Variants in PPARGC1A observed in about 807,000 individuals in gnomAD.
The protein encoded by PPARGC1A is PPARG coactivator 1 alpha.
A neutral mutation model predicts 88.7 loss-of-function variants in PPARGC1A; 25 were observed. The observed-to-expected ratio is 0.28, with a 90% CI of 0.21 to 0.39. The LOEUF (loss-of-function observed/expected upper bound fraction) is 0.39, where lower values mean the gene tolerates loss of function less well. PPARGC1A is among the 10% of genes least tolerant of loss of function. The probability of loss-of-function intolerance (pLI) is 1.00; values close to 1 mark genes in which losing one functional copy is unlikely to be tolerated. For synonymous variants in PPARGC1A, 363 were observed against 355.6 expected (o/e 1.02, Z -0.24); for missense variants, 880 against 968.7 (o/e 0.91, Z 1.22).
At chr4:24,244,803 T>A in the PPARGC1A span, among the ~76,000 whole-genome samples, 1 of 152,128 alleles carries the variant, frequency 6.6e-6, no homozygotes, top group South Asian at 2.1e-4. Context: ...GTCCAAAACA[T>A]TAATAGAACC....
the PPARGC1A span, among the ~76,000 whole-genome samples, chr4:24,109,597 TAG>T: frequency 2.0e-5 from 3 of 152,174 alleles, no homozygotes; most frequent in Non-Finnish European, 4.4e-5. Context: ...TCTGAAATGT[TAG>T]AGTCTCCATC....
At chr4:23,984,455 C>T in the PPARGC1A span, among the ~76,000 whole-genome samples, 1 of 152,018 alleles carries the variant, frequency 6.6e-6, no homozygotes, top group African/African-American at 2.4e-5. Flanking sequence ...TCCGATTTAC[C>T]TACCAAGGTT....
the PPARGC1A span, among the ~76,000 whole-genome samples, chr4:24,307,714 G>A: frequency 2.6e-5 from 4 of 152,324 alleles, no homozygotes; most frequent in Middle Eastern, 0.01. Context: ...CAGAGGATCT[G>A]GTTCGGAAGA....
intron 2 of PPARGC1A, among the ~76,000 whole-genome samples, chr4:23,857,925 G>T (rs1391476740): frequency 6.6e-6 from 1 of 151,148 alleles, no homozygotes; most frequent in East Asian, 2.0e-4. Flanking sequence ...TTCTGCTTGA[G>T]GAAGCTAGAG....
At chr4:24,466,797 C>G in the PPARGC1A span, among the ~76,000 whole-genome samples, 1 of 145,378 alleles carries the variant, frequency 6.9e-6, no homozygotes, top group African/African-American at 2.5e-5. Context: ...GCCTGTTGTC[C>G]CAGCTACTCA....
At chr4:24,223,272 CAG>C in the PPARGC1A span, among the ~76,000 whole-genome samples, 1 of 122,962 alleles carries the variant, frequency 8.1e-6, no homozygotes, top group East Asian at 2.3e-4. Context: ...TTTTTTGAGA[CAG>C]AGTCTTGCTC....
At chr4:24,323,300 C>G in the PPARGC1A span, among the ~76,000 whole-genome samples, 2 of 152,144 alleles carry the variant, frequency 1.3e-5, no homozygotes, top group African/African-American at 4.8e-5. Context: ...GCCTCTGAGC[C>G]CAAGCCAAGC....
intron 2 of PPARGC1A, chr4:23,884,182 A>G (rs534603627): frequency 2.6e-5 from 4 of 152,324 alleles, no homozygotes; most frequent in Non-Finnish European, 5.9e-5. Flanking sequence ...TTGCTACTGA[A>G]AAGTAAATGA....
At chr4:24,465,805 T>C in the PPARGC1A span, among the ~76,000 whole-genome samples, 1 of 152,188 alleles carries the variant, frequency 6.6e-6, no homozygotes, top group African/African-American at 2.4e-5. Context: ...GTTAGGCGCA[T>C]GATTCAGTAC....
the PPARGC1A span, among the ~76,000 whole-genome samples, chr4:24,396,257 G>T: frequency 6.6e-6 from 1 of 152,164 alleles, no homozygotes; most frequent in African/African-American, 2.4e-5. Flanking sequence ...GGACGATGGG[G>T]GCGGCTCAGA....
At chr4:24,296,175 GTGTGTGTA>G in the PPARGC1A span, among the ~76,000 whole-genome samples, 302 of 149,686 alleles carry the variant, frequency 2.0e-3, no homozygotes, top group African/African-American at 3.7e-3. Context: ...ATATTTATAT[GTGTGTGTA>G]TGTGTGTATG....
the PPARGC1A span, among the ~76,000 whole-genome samples, chr4:24,000,606 T>G: frequency 3.3e-5 from 5 of 152,138 alleles, no homozygotes; most frequent in Admixed American, 6.5e-5. Context: ...GTGACAGAAA[T>G]AAATCACTGT....
chr4:24,250,339 G>A, the PPARGC1A span, among the ~76,000 whole-genome samples: 26 of 152,314 alleles, frequency 1.7e-4, 1 homozygote, highest in African/African-American at 5.3e-4. Context: ...AAGTTGATAG[G>A]AAGGTAAATC....
the PPARGC1A span, among the ~76,000 whole-genome samples, chr4:24,121,351 G>A: frequency 6.6e-6 from 1 of 152,192 alleles, no homozygotes; most frequent in East Asian, 1.9e-4. Flanking sequence ...CTCTGAACAT[G>A]ATCACAGGTC....
the PPARGC1A span, among the ~76,000 whole-genome samples, chr4:24,149,971 G>A: frequency 1.3e-5 from 2 of 152,302 alleles, no homozygotes; most frequent in East Asian, 3.9e-4. Context: ...GGAAGGTGGA[G>A]TGCCCCCAAT....
chr4:24,402,433 G>A, the PPARGC1A span, among the ~76,000 whole-genome samples: 4,662 of 152,298 alleles, frequency 0.031, 157 homozygotes, highest in East Asian at 0.15. Context: ...GGTGGTGCTA[G>A]GCATGTGACA....
the PPARGC1A span, among the ~76,000 whole-genome samples, chr4:24,036,431 T>C: frequency 6.6e-6 from 1 of 152,164 alleles, no homozygotes; most frequent in Non-Finnish European, 1.5e-5. Context: ...CCACCGAAGC[T>C]CATGTATGAA....
chr4:23,947,083 C>T, the PPARGC1A span, among the ~76,000 whole-genome samples: 3 of 151,640 alleles, frequency 2.0e-5, no homozygotes, highest in Admixed American at 6.6e-5. Context: ...ATCTACTGTC[C>T]CCCCACTGGA....
In PPARGC1A at chr4:23,801,190, A is replaced by AACAC. The variant is rs34293917; in HGVS notation, c.2293+536_2293+539dup. Among the ~76,000 whole-genome samples the AACAC allele has an allele frequency of 3.3e-4, 50 of 150,030 alleles. 1 individual carries two copies. The highest frequency in any genetic ancestry group is 3.4e-3 in the Middle Eastern group (1 of 290). ...GCCTGGAAGGCAAAATCAGGTTACA[A>AACAC]ACACACACACACACACACACACATG... On this transcript the variant is annotated intron_variant, in intron 12 of 12. Transcript: ENST00000264867.
Sources: allele counts gnomAD v4.1 joint callset (sites outside exome capture counted in the v4.1 genomes callset), GRCh38; gene constraint gnomAD v4.1.1; transcripts MANE v1.5; gene names NCBI Gene and HGNC (gene_info 2026-07-23, HGNC 2026-07-21).